Variants in RNF13 observed in about 807,000 individuals in gnomAD.
RNF13 encodes E3 ubiquitin-protein ligase RNF13.
A neutral mutation model predicts 37.7 loss-of-function variants in RNF13; 19 were observed. The observed-to-expected ratio is 0.50, with a 90% confidence interval of 0.35 to 0.74. RNF13 has a LOEUF of 0.74. RNF13 is among the 30% of genes least tolerant of loss of function. RNF13 has a pLI of 0.01. For synonymous variants in RNF13, 144 were observed against 157.8 expected (o/e 0.91, Z 0.65); for missense variants, 375 against 453.0 (o/e 0.83, Z 1.56).
chr3:149,912,119 A>T, intron 7 of RNF13, 36 bp downstream of exon 7: 1 of 996,690 alleles, frequency 1.0e-6, no homozygotes, highest in Non-Finnish European at 1.6e-6. Flanking sequence ...TTTAAAAAAT[A>T]GTATGGATGA....
intron 1 of RNF13, among the ~76,000 whole-genome samples, chr3:149,844,834 TA>T (rs889079918): frequency 1.2e-4 from 18 of 152,184 alleles, no homozygotes; most frequent in African/African-American, 4.3e-4. Flanking sequence ...CAGTGATTTT[TA>T]GTATATTTAT....
intron 2 of RNF13, among the ~76,000 whole-genome samples, chr3:149,850,778 T>C (rs1398849742): frequency 1.3e-5 from 2 of 152,230 alleles, no homozygotes; most frequent in African/African-American, 2.4e-5. Flanking sequence ...AATGTTTTTC[T>C]CAAGTTCAAC....
At chr3:149,929,701 C>T (rs565958724) in intron 8 of RNF13, among the ~76,000 whole-genome samples, 34 of 152,094 alleles carry the variant, frequency 2.2e-4, no homozygotes, top group Non-Finnish European at 4.9e-4. Flanking sequence ...TGCCCTTTAT[C>T]AAGTTGATGA....
intron 3 of RNF13, among the ~76,000 whole-genome samples, chr3:149,853,817 A>C (rs1559908196): frequency 7.1e-6 from 1 of 140,504 alleles, no homozygotes; most frequent in Non-Finnish European, 1.6e-5. Flanking sequence ...GTTTATTCTA[A>C]TTTTCTTAAA....
chr3:149,941,353 A>G (rs1264992117), intron 8 of RNF13, among the ~76,000 whole-genome samples: 2 of 152,008 alleles, frequency 1.3e-5, no homozygotes, highest in African/African-American at 4.8e-5. Flanking sequence ...TGCTCAACTT[A>G]CATTCTGCTC....
rs556085448 is a variant in RNF13 at position 149,916,308 on chromosome 3, A to G, written c.606+4225A>G. Among the ~76,000 whole-genome samples the G allele has an allele frequency of 3.9e-5, 6 of 152,280 alleles. No homozygotes were observed. The East Asian group carries it at 1.2e-3, about 29-fold the overall frequency. On this transcript the variant is annotated intron_variant, in intron 7 of 9. Coordinates refer to ENST00000392894, the MANE Select transcript of RNF13 (RefSeq NM_183381.3). ...TATACTCAAATAACAATTTAAAGAGAATTTCTACTATTTGTGGAATAAGTT... is the reference window on the plus strand; with the variant it reads ...TATACTCAAATAACAATTTAAAGAGGATTTCTACTATTTGTGGAATAAGTT...
At chr3:149,947,295 A>G (rs1720858222) in intron 8 of RNF13, among the ~76,000 whole-genome samples, 1 of 151,966 alleles carries the variant, frequency 6.6e-6, no homozygotes, top group African/African-American at 2.4e-5. Flanking sequence ...GAGTTATTCA[A>G]GTCATCTGTG....
At chr3:149,863,893 T>G (rs1027239141) in intron 3 of RNF13, among the ~76,000 whole-genome samples, 1 of 152,134 alleles carries the variant, frequency 6.6e-6, no homozygotes, top group Non-Finnish European at 1.5e-5. Context: ...TTGTACTGAT[T>G]ATATGGCAAT....
chr3:149,897,556 A>G (rs1373900598), intron 5 of RNF13, among the ~76,000 whole-genome samples: 1 of 152,126 alleles, frequency 6.6e-6, no homozygotes, highest in African/African-American at 2.4e-5. Context: ...GTTTCAACTG[A>G]GTTGTTGTTC....
intron 6 of RNF13, among the ~76,000 whole-genome samples, chr3:149,911,475 T>A (rs1187458875): frequency 6.6e-6 from 1 of 152,026 alleles, no homozygotes. Context: ...CTGGCCAACA[T>A]GGCAAAACCC....
At chr3:149,838,249 G>A (rs371704525) in intron 1 of RNF13, among the ~76,000 whole-genome samples, 9 of 152,218 alleles carry the variant, frequency 5.9e-5, no homozygotes, top group East Asian at 5.8e-4. Flanking sequence ...CCAGGTGCAC[G>A]GTGCAAGTTG....
At chr3:149,917,748 A>G (rs1717692666) in intron 7 of RNF13, among the ~76,000 whole-genome samples, 1 of 152,146 alleles carries the variant, frequency 6.6e-6, no homozygotes, top group Non-Finnish European at 1.5e-5. Flanking sequence ...CCTTTGTGGC[A>G]TGGTTTTCTG....
chr3:149,866,605 C>T (rs1313527283), intron 3 of RNF13, among the ~76,000 whole-genome samples: 1 of 152,188 alleles, frequency 6.6e-6, no homozygotes, highest in African/African-American at 2.4e-5. Context: ...TAGTAGGTCT[C>T]AGTCTCATTT....
At chr3:149,890,559 G>T (rs901944814) in intron 4 of RNF13, among the ~76,000 whole-genome samples, 1 of 152,088 alleles carries the variant, frequency 6.6e-6, no homozygotes, top group Admixed American at 6.6e-5. Flanking sequence ...TGTGTATATT[G>T]TAATACTAGT....
At chr3:149,951,807 C>T (rs1000010526) in intron 8 of RNF13, among the ~76,000 whole-genome samples, 3 of 152,154 alleles carry the variant, frequency 2.0e-5, no homozygotes, top group Non-Finnish European at 4.4e-5. Context: ...GAAAAACTGT[C>T]ATGTCTACTT....
intron 4 of RNF13, among the ~76,000 whole-genome samples, chr3:149,884,851 G>A (rs1559928656): frequency 6.7e-6 from 1 of 149,428 alleles, no homozygotes; most frequent in Non-Finnish European, 1.5e-5. Context: ...TATTTATTCT[G>A]TGTGTGTGTG....
intron 4 of RNF13, among the ~76,000 whole-genome samples, chr3:149,880,181 A>AT (rs1713223128): frequency 6.6e-6 from 1 of 152,198 alleles, no homozygotes; most frequent in African/African-American, 2.4e-5. Context: ...TAGTAAGCTG[A>AT]TTTTAAGTAC....
intron 8 of RNF13, among the ~76,000 whole-genome samples, chr3:149,949,479 TTATAA>T (rs1217987927): frequency 2.6e-5 from 4 of 151,746 alleles, no homozygotes; most frequent in Middle Eastern, 6.8e-3. Context: ...GACAGTTTAA[TTATAA>T]TATGATTATA....
chr3:149,830,934 A>G (rs771881731), intron 1 of RNF13, among the ~76,000 whole-genome samples: 1 of 152,222 alleles, frequency 6.6e-6, no homozygotes, highest in Non-Finnish European at 1.5e-5. Context: ...GGACCAAGGT[A>G]CAGTTTGGGT....
Sources: gnomAD v4.1 joint callset for allele counts (sites outside exome capture counted in the v4.1 genomes callset) on GRCh38, gnomAD v4.1.1 for gene constraint, MANE v1.5 for transcripts, NCBI Gene and HGNC (gene_info 2026-07-23, HGNC 2026-07-21) for gene names.